The following FBXO42 variants were observed in gnomAD, a reference collection of about 807,000 sequenced individuals.
The protein encoded by FBXO42 is F-box only protein 42.
In FBXO42, 12 loss-of-function variants were observed where a neutral mutation model predicts 71.7. The observed-to-expected ratio is 0.17, with a 90% CI of 0.11 to 0.27. FBXO42 has a LOEUF of 0.27. FBXO42 is among the 10% of genes least tolerant of loss of function. FBXO42 has a pLI of 1.00. For synonymous variants in FBXO42, 325 were observed against 327.5 expected, an observed-to-expected ratio of 0.99 and a Z score of 0.08; for missense variants, 707 against 911.9, an observed-to-expected ratio of 0.78 and a Z score of 2.89.
intron 3 of FBXO42, among the ~76,000 whole-genome samples, chr1:16,299,867 T>C (rs1347772347): frequency 6.6e-6 from 1 of 152,080 alleles, no homozygotes; most frequent in Non-Finnish European, 1.5e-5. Context: ...ATGGTCTCAA[T>C]CTCTTGATCT....
intron 4 of FBXO42, among the ~76,000 whole-genome samples, chr1:16,270,745 A>G (rs1211518406): frequency 1.6e-5 from 2 of 122,564 alleles, no homozygotes; most frequent in Admixed American, 1.8e-4. Context: ...CTTACTTACC[A>G]TGAGATACAC....
chr1:16,291,239 T>C (rs1033365458), intron 4 of FBXO42, among the ~76,000 whole-genome samples: 2 of 152,182 alleles, frequency 1.3e-5, no homozygotes, highest in African/African-American at 4.8e-5. Context: ...TAAACAACTA[T>C]GTTTTATTCA....
chr1:16,275,530 G>T (rs952710122), intron 4 of FBXO42, among the ~76,000 whole-genome samples: 16 of 152,002 alleles, frequency 1.1e-4, no homozygotes, highest in African/African-American at 3.9e-4. Context: ...GAAGCAGGAG[G>T]ATCGCTTGAG....
At chr1:16,350,262 A>G (rs1235104352) in intron 1 of FBXO42, among the ~76,000 whole-genome samples, 2 of 152,170 alleles carry the variant, frequency 1.3e-5, no homozygotes, top group Non-Finnish European at 2.9e-5. Flanking sequence ...GCAACATATT[A>G]TGCCAAGAAG....
intron 1 of FBXO42, among the ~76,000 whole-genome samples, chr1:16,322,634 C>A (rs1378089576): frequency 1.3e-5 from 2 of 152,016 alleles, no homozygotes; most frequent in Admixed American, 6.6e-5. Flanking sequence ...TAACTAAACA[C>A]AAATCAGTTT....
chr1:16,291,282 AT>A (rs1272025203), intron 4 of FBXO42, among the ~76,000 whole-genome samples: 1 of 152,124 alleles, frequency 6.6e-6, no homozygotes, highest in African/African-American at 2.4e-5. Flanking sequence ...TTAGGAAGTG[AT>A]TTTGATTAGG....
intron 4 of FBXO42, among the ~76,000 whole-genome samples, chr1:16,276,244 G>A (rs2081901378): frequency 6.6e-6 from 1 of 151,972 alleles, no homozygotes; most frequent in Non-Finnish European, 1.5e-5. Flanking sequence ...GCCGGGCATG[G>A]TGGCATGCAC....
rs148986359 is a variant in FBXO42, at chr1:16,347,395, A to T, written c.-18+4860T>A. 2.3e-3 allele frequency among the ~76,000 whole-genome samples: 345 copies of T among 152,102 alleles called. 12 individuals carry two copies. In the East Asian group the frequency reaches 0.053, roughly 23 times the overall value. On this transcript the variant is annotated intron_variant, in intron 1 of 9. Transcript: ENST00000375592. The stretch of plus-strand genomic sequence containing the variant: ...CCAGGCATGGTGGTGTGCACCTGTA[A>T]TACCAGTTACTCAGGAGGCTGAGGC...
chr1:16,289,817 G>A (rs962039197), intron 4 of FBXO42, among the ~76,000 whole-genome samples: 1 of 151,858 alleles, frequency 6.6e-6, no homozygotes, highest in African/African-American at 2.4e-5. Flanking sequence ...GTTTGTATTC[G>A]CAGCTACTCA....
rs1205235258 is a variant in FBXO42 at position 16,313,320 on chromosome 1, A to AAAAG, written c.250+1848_250+1849insCTTT. Among the ~76,000 whole-genome samples, 636 of 110,218 alleles carry AAAAG rather than the reference A, an allele frequency of 5.8e-3. 7 individuals carry two copies. The highest frequency in any genetic ancestry group is 0.023 in the African/African-American group (596 of 25,648). 72.3% of individuals were successfully genotyped at this position (110,218 alleles called of 152,430 possible). On this transcript the variant is annotated intron_variant, in intron 2 of 9. Coordinates refer to ENST00000375592, the MANE Select transcript of FBXO42 (RefSeq NM_018994.3). The stretch of plus-strand genomic sequence containing the variant: ...AGAGAGAAAGAAAGAAAGAGAAAAG[A>AAAAG]AAACAAAGAAAGAAAGAAAGAAAGA...
intron 4 of FBXO42, among the ~76,000 whole-genome samples, chr1:16,281,986 C>T (rs1005919294): frequency 2.6e-5 from 4 of 151,990 alleles, no homozygotes; most frequent in Non-Finnish European, 5.9e-5. Context: ...AGGTGTGAGC[C>T]ACCATGCCTG....
chr1:16,247,051 C>T lies in FBXO42; in HGVS notation c.*3619G>A, dbSNP rs749727898. 6.6e-5 allele frequency: 10 copies of T among 152,240 alleles called. No individual in the cohort carries two copies. Among genetic ancestry groups the T allele is most frequent in the Non-Finnish European group, 1.2e-4 (8 of 68,068 alleles). 9.4% of individuals were successfully genotyped at this position (152,240 alleles called of 1,614,324 possible). A position where few individuals can be genotyped will look rare whatever the true frequency, so the allele number is the denominator to read the frequency against. On this transcript the variant is annotated 3_prime_UTR_variant, in exon 10 of 10. Coordinates refer to ENST00000375592, the MANE Select transcript of FBXO42 (RefSeq NM_018994.3). Reference sequence around the variant, plus strand: ...ACTCACAGCACCAGCTTCGCCAGGGCACATGGGGTGTGCACTGACATGAAC... The same window carrying T: ...ACTCACAGCACCAGCTTCGCCAGGGTACATGGGGTGTGCACTGACATGAAC...
chr1:16,252,423 A>T lies in FBXO42; in HGVS notation c.922-19T>A. 6.3e-7 allele frequency: 1 copy of T among 1,591,528 alleles called. No individual in the cohort carries two copies. The highest frequency in any genetic ancestry group is 8.6e-7 in the Non-Finnish European group (1 of 1,160,094). ...TGAATAGCTGTAAGAGAAAAAACCA[A>T]TAACAAGACTCAGGTGTGATATGCG... On this transcript the variant is annotated intron_variant, in intron 8 of 9. Transcript: ENST00000375592. The surrounding 1 kb of genome is among the most constrained non-coding windows in gnomAD (Gnocchi z 4.4).
At chr1:16,283,432 A>G (rs1189584640) in intron 4 of FBXO42, among the ~76,000 whole-genome samples, 3 of 151,534 alleles carry the variant, frequency 2.0e-5, no homozygotes, top group Non-Finnish European at 4.4e-5. Flanking sequence ...CCAGTTAGTG[A>G]AAATGACAGA....
chr1:16,283,005 C>T (rs906285383), intron 4 of FBXO42, among the ~76,000 whole-genome samples: 10 of 151,684 alleles, frequency 6.6e-5, no homozygotes, highest in Non-Finnish European at 4.4e-5. Context: ...AATGCTGATC[C>T]ACCATCTTAT....
Position 16,251,880 on chromosome 1 carries a change from G to T in FBXO42, c.1039-95C>A. The T allele has an allele frequency of 6.9e-7, 1 of 1,458,258 alleles. No homozygotes were observed. Among genetic ancestry groups the T allele is most frequent in the Non-Finnish European group, 9.2e-7 (1 of 1,086,942 alleles). The allele number at this position is 1,458,258 out of a possible 1,614,324, so 90.3% of individuals were successfully genotyped here. On this transcript the variant is annotated intron_variant, in intron 9 of 9. Transcript: ENST00000375592. This position sits in a 1 kb window ranked among gnomAD's most constrained non-coding sequence, Gnocchi z 4.5. ...TATCATGAGCATCTGTCATGTGCCAGACATTTTGTAGGTACCTGAGATATG... is the reference window on the plus strand; with the variant it reads ...TATCATGAGCATCTGTCATGTGCCATACATTTTGTAGGTACCTGAGATATG...
intron 1 of FBXO42, among the ~76,000 whole-genome samples, 192 bp downstream of exon 1, chr1:16,352,063 G>A (rs1267648980): frequency 6.6e-6 from 1 of 152,170 alleles, no homozygotes; most frequent in African/African-American, 2.4e-5. Flanking sequence ...TGGCTGGAAA[G>A]GAGCTGTCCT....
At chr1:16,323,751 CT>C (rs1374072802) in intron 1 of FBXO42, among the ~76,000 whole-genome samples, 1 of 143,524 alleles carries the variant, frequency 7.0e-6, no homozygotes, top group African/African-American at 2.7e-5. Flanking sequence ...GATCGTACCA[CT>C]GCACTCCAAG....
At chr1:16,313,875 C>T (rs941397983) in intron 2 of FBXO42, among the ~76,000 whole-genome samples, 1 of 152,138 alleles carries the variant, frequency 6.6e-6, no homozygotes, top group Non-Finnish European at 1.5e-5. Flanking sequence ...TGCAATGAAG[C>T]CACTAACTGC....
Sources: allele counts gnomAD v4.1 joint callset (sites outside exome capture counted in the v4.1 genomes callset), GRCh38; gene constraint gnomAD v4.1.1; non-coding constraint Gnocchi (gnomAD v3.1); transcripts MANE v1.5; gene names NCBI Gene and HGNC (gene_info 2026-07-23, HGNC 2026-07-21).